SAMTOR: variants seen among roughly 807,000 people sequenced by gnomAD.
The protein encoded by SAMTOR is UPF0532 protein C7orf60.
At chr7:112,891,712 G>A in the SAMTOR span, among the ~76,000 whole-genome samples, 1 of 152,182 alleles carries the variant, frequency 6.6e-6, no homozygotes, top group African/African-American at 2.4e-5. Context: ...TCTATGAAGT[G>A]TGCAATAGCA....
At chr7:112,934,303 C>T in the SAMTOR span, among the ~76,000 whole-genome samples, 2 of 152,332 alleles carry the variant, frequency 1.3e-5, no homozygotes, top group African/African-American at 4.8e-5. Context: ...TCAGCCTCCA[C>T]AGAGGGCTTC....
At chr7:112,899,501 G>A in the SAMTOR span, among the ~76,000 whole-genome samples, 1 of 152,222 alleles carries the variant, frequency 6.6e-6, no homozygotes, top group Non-Finnish European at 1.5e-5. Context: ...AGAGACTGGG[G>A]TAGAACGTTT....
chr7:112,833,080 C>A, the SAMTOR span, among the ~76,000 whole-genome samples: 4 of 152,134 alleles, frequency 2.6e-5, no homozygotes, highest in African/African-American at 4.8e-5. Context: ...CTGGCTCCCC[C>A]ACCCCCAACC....
At chr7:112,822,590 AAT>A in the SAMTOR span, among the ~76,000 whole-genome samples, 2 of 152,234 alleles carry the variant, frequency 1.3e-5, no homozygotes, top group African/African-American at 2.4e-5. Flanking sequence ...TCATCATTTA[AAT>A]ATATGTTTTT....
At chr7:112,839,115 T>C in the SAMTOR span, among the ~76,000 whole-genome samples, 1 of 151,874 alleles carries the variant, frequency 6.6e-6, no homozygotes, top group African/African-American at 2.4e-5. Context: ...GCCTCGATGA[T>C]CTTATTGTAC....
At chr7:112,916,568 C>A in the SAMTOR span, among the ~76,000 whole-genome samples, 26 of 152,150 alleles carry the variant, frequency 1.7e-4, no homozygotes, top group Non-Finnish European at 2.9e-4. Context: ...GTTCATCTCA[C>A]TGGGGAGTGC....
chr7:112,939,587 T>G, the SAMTOR span: 3 of 1,613,640 alleles, frequency 1.9e-6, no homozygotes, highest in Non-Finnish European at 2.5e-6. Context: ...AGCGCGCTGT[T>G]TACCTTCTCG....
chr7:112,868,256 C>T, the SAMTOR span, among the ~76,000 whole-genome samples: 1 of 152,142 alleles, frequency 6.6e-6, no homozygotes, highest in Non-Finnish European at 1.5e-5. Context: ...TCAGCATTAC[C>T]CATCCACTTG....
the SAMTOR span, among the ~76,000 whole-genome samples, chr7:112,857,895 G>A: frequency 6.6e-6 from 1 of 152,304 alleles, no homozygotes; most frequent in African/African-American, 2.4e-5. Context: ...GAGCTTGTCA[G>A]GGTCAGAGTA....
chr7:112,870,845 T>C, the SAMTOR span, among the ~76,000 whole-genome samples: 1 of 151,576 alleles, frequency 6.6e-6, no homozygotes, highest in African/African-American at 2.4e-5. Context: ...GAAAGATCTA[T>C]TGCATAAATG....
the SAMTOR span, among the ~76,000 whole-genome samples, chr7:112,921,352 T>A: frequency 6.6e-6 from 1 of 151,648 alleles, no homozygotes; most frequent in Non-Finnish European, 1.5e-5. Flanking sequence ...GGGGAAAGGA[T>A]TCCCTATTTA....
At chr7:112,879,030 A>T in the SAMTOR span, among the ~76,000 whole-genome samples, 2 of 151,944 alleles carry the variant, frequency 1.3e-5, no homozygotes, top group Non-Finnish European at 2.9e-5. Flanking sequence ...ATAAATCTTA[A>T]AAGTTTCTGG....
the SAMTOR span, among the ~76,000 whole-genome samples, chr7:112,914,687 A>G: frequency 0.027 from 4,039 of 152,252 alleles, 181 homozygotes; most frequent in African/African-American, 0.091. Flanking sequence ...AAATTTTTAT[A>G]CCATAATTTA....
chr7:112,905,729 C>G, the SAMTOR span, among the ~76,000 whole-genome samples: 1 of 151,932 alleles, frequency 6.6e-6, no homozygotes, highest in Non-Finnish European at 1.5e-5. Flanking sequence ...AAACCCATTC[C>G]TAATATAAAC....
At chr7:112,830,815 T>C in the SAMTOR span, among the ~76,000 whole-genome samples, 2 of 152,096 alleles carry the variant, frequency 1.3e-5, no homozygotes, top group African/African-American at 4.8e-5. Context: ...AATTTACCAG[T>C]AGTAACAACA....
At chr7:112,822,063 AG>A in the SAMTOR span, 1 of 1,613,760 alleles carries the variant, frequency 6.2e-7, no homozygotes, top group Non-Finnish European at 8.5e-7. Flanking sequence ...TTTAAAGCCC[AG>A]GGACTCTATA....
the SAMTOR span, among the ~76,000 whole-genome samples, chr7:112,878,999 A>T: frequency 6.6e-6 from 1 of 152,058 alleles, no homozygotes; most frequent in Non-Finnish European, 1.5e-5. Flanking sequence ...GTGCGAAGTA[A>T]AACAGCGGAA....
the SAMTOR span, chr7:112,822,038 T>C: frequency 6.2e-7 from 1 of 1,613,670 alleles, no homozygotes; most frequent in Non-Finnish European, 8.5e-7. Context: ...GTGAAAATTT[T>C]GAGTACTTGA....
the SAMTOR span, among the ~76,000 whole-genome samples, chr7:112,833,618 A>G: frequency 6.6e-6 from 1 of 152,192 alleles, no homozygotes; most frequent in Admixed American, 6.5e-5. Flanking sequence ...TAAACTGAGT[A>G]GCAAAACATT....
Sources: allele counts gnomAD v4.1 joint callset (sites outside exome capture counted in the v4.1 genomes callset), GRCh38; gene constraint gnomAD v4.1.1; transcripts MANE v1.5; gene names NCBI Gene and HGNC (gene_info 2026-07-23, HGNC 2026-07-21).